Variants in LRP1B observed in about 807,000 individuals in gnomAD.
LRP1B encodes low-density lipoprotein receptor-related protein 1B.
A neutral mutation model predicts 556.6 loss-of-function variants in LRP1B; 217 were observed. The ratio of observed to expected loss-of-function variants is 0.39; its 90% CI spans 0.35 to 0.44. The LOEUF is 0.44. Ranked by LOEUF, LRP1B falls within the 20% of genes least tolerant of loss-of-function variation. The pLI, the probability that LRP1B is intolerant of heterozygous loss-of-function variation, is 1.00. For synonymous variants in LRP1B, 2,047 were observed against 1,865.8 expected, an observed-to-expected ratio of 1.10 and a Z score of -2.50; for missense variants, 5,053 against 5,620.8, an observed-to-expected ratio of 0.90 and a Z score of 3.23.
At chr2:142,029,358 G>T (rs915755333) in intron 1 of LRP1B, among the ~76,000 whole-genome samples, 4 of 151,876 alleles carry the variant, frequency 2.6e-5, no homozygotes, top group African/African-American at 9.7e-5. Flanking sequence ...TTTACTGAAA[G>T]TTGGCCAAGC....
At chr2:141,015,594 A>G in intron 13 of LRP1B, 102 bp downstream of exon 13, 1 of 952,648 alleles carries the variant, frequency 1.0e-6, no homozygotes. Context: ...CAGCCACCTC[A>G]GAGGAGTAAA....
intron 7 of LRP1B, among the ~76,000 whole-genome samples, chr2:141,069,122 A>C (rs1053240618): frequency 2.6e-5 from 4 of 152,010 alleles, no homozygotes; most frequent in African/African-American, 7.2e-5. Context: ...TTCCCTAATC[A>C]AGCCTGCTGA....
At chr2:141,753,730 T>C (rs1694218489) in intron 2 of LRP1B, among the ~76,000 whole-genome samples, 1 of 152,158 alleles carries the variant, frequency 6.6e-6, no homozygotes, top group African/African-American at 2.4e-5. Context: ...CAGCACTGCA[T>C]AGGATACTTT....
At chr2:140,556,967 G>A (rs1680756639) in intron 43 of LRP1B, among the ~76,000 whole-genome samples, 2 of 151,862 alleles carry the variant, frequency 1.3e-5, no homozygotes, top group African/African-American at 4.8e-5. Context: ...GTCATCCTAA[G>A]ATATTTCTTA....
chr2:140,444,314 T>C lies in LRP1B; in HGVS notation c.10294+16A>G. 1 of 1,613,668 alleles carries C rather than the reference T, an allele frequency of 6.2e-7. No homozygotes were observed. Among genetic ancestry groups the C allele is most frequent in the Non-Finnish European group, 8.5e-7 (1 of 1,179,728 alleles). ...GTCAAAGTTAAGACAAGACAGAGTATTTTGAGGTGACTTACGACAGTCTCT... is the reference window on the plus strand; with the variant it reads ...GTCAAAGTTAAGACAAGACAGAGTACTTTGAGGTGACTTACGACAGTCTCT... On this transcript the variant is annotated intron_variant, in intron 65 of 90. Transcript: ENST00000389484.
chr2:140,358,896 T>C lies in LRP1B; in HGVS notation c.11182A>G (p.Ile3728Val), dbSNP rs781610616. 4 of 1,608,860 alleles carry C rather than the reference T, an allele frequency of 2.5e-6. No individual in the cohort carries two copies. Among genetic ancestry groups the C allele is most frequent in the Non-Finnish European group, 3.4e-6 (4 of 1,176,256 alleles). Residue 3728 changes from isoleucine (I) to valine (V), a missense_variant, in exon 73 of 91, where the codon ATA becomes GTA. Transcript: ENST00000389484. ...TRPHRCRNNR[I>V]CLQSEQMCNG... ...CACATTTGCTCCGACTGTAGGCATA[T>C]TCTGTTATTTCTGCATCTGTGAGGT... is the stretch of plus-strand genomic sequence containing the variant.
At chr2:141,740,747 G>T (rs949555805) in intron 2 of LRP1B, among the ~76,000 whole-genome samples, 1 of 152,176 alleles carries the variant, frequency 6.6e-6, no homozygotes, top group Non-Finnish European at 1.5e-5. Context: ...CATTGGAGAC[G>T]TTCTGTTAAC....
chr2:141,653,761 T>C (rs1400747838), intron 2 of LRP1B, among the ~76,000 whole-genome samples: 1 of 152,202 alleles, frequency 6.6e-6, no homozygotes, highest in Non-Finnish European at 1.5e-5. Context: ...GATGGAGGCT[T>C]AGATCAATCA....
In LRP1B at chr2:141,503,152, T is replaced by C. The variant is rs1356475710; in HGVS notation, c.206-22619A>G. ...GACTATATAAAAAATAATATATAAT[T>C]ATATATGAGTAATACATGAATAATA... On this transcript the variant is annotated intron_variant, in intron 2 of 90. Coordinates refer to ENST00000389484, the MANE Select transcript of LRP1B (RefSeq NM_018557.3). 3.4e-5 allele frequency among the ~76,000 whole-genome samples: 5 copies of C among 148,182 alleles called. No homozygotes were observed. The East Asian group carries it at 9.7e-4, about 29-fold the overall frequency.
intron 1 of LRP1B, among the ~76,000 whole-genome samples, chr2:142,024,093 C>T (rs1201948097): frequency 6.6e-6 from 1 of 152,162 alleles, no homozygotes; most frequent in Non-Finnish European, 1.5e-5. Flanking sequence ...ATGTTTGTAG[C>T]CTCCTATTGC....
At chr2:141,901,566 C>T (rs570117907) in intron 1 of LRP1B, among the ~76,000 whole-genome samples, 26 of 151,938 alleles carry the variant, frequency 1.7e-4, no homozygotes, top group African/African-American at 5.5e-4. Flanking sequence ...TTTCTTTATA[C>T]ATAATACATT....
In LRP1B at chr2:142,115,220, G is replaced by A. The variant is rs192103853; in HGVS notation, c.82+15428C>T. Among the ~76,000 whole-genome samples the A allele has an allele frequency of 3.2e-3, 488 of 151,140 alleles. 1 individual carries two copies. The highest frequency in any genetic ancestry group is 0.017 in the Middle Eastern group (5 of 294). On this transcript the variant is annotated intron_variant, in intron 1 of 90. Transcript: ENST00000389484. ...ACATCCTATGAAATGCTTTAGAGAA[G>A]TGATTGATTCCAGGCTGCAAACAGA... is the stretch of plus-strand genomic sequence containing the variant.
rs142670331 is a variant in LRP1B, at chr2:142,075,600, G to A, written c.82+55048C>T. Among the ~76,000 whole-genome samples the A allele has an allele frequency of 9.9e-5, 15 of 152,148 alleles. No individual in the cohort carries two copies. The East Asian group carries it at 1.6e-3, about 16-fold the overall frequency. ...GTTCCATCATAACTTCAGGAAGGGC[G>A]TTTATCAGTTTAAATGAGAGTCTCC... On this transcript the variant is annotated intron_variant, in intron 1 of 90. Transcript: ENST00000389484.
chr2:140,393,756 T>C (rs2105214953), intron 66 of LRP1B, among the ~76,000 whole-genome samples: 1 of 152,298 alleles, frequency 6.6e-6, no homozygotes, highest in Admixed American at 6.5e-5. Context: ...CCTTTTTCCT[T>C]TGATTTCCAG....
intron 1 of LRP1B, among the ~76,000 whole-genome samples, chr2:142,058,163 T>C (rs1052208007): frequency 1.3e-5 from 2 of 152,156 alleles, no homozygotes; most frequent in Admixed American, 6.6e-5. Flanking sequence ...GTTGAAAATA[T>C]TTGGAACTAC....
intron 2 of LRP1B, among the ~76,000 whole-genome samples, chr2:141,539,091 A>C (rs897381783): frequency 6.6e-6 from 1 of 152,172 alleles, no homozygotes; most frequent in Non-Finnish European, 1.5e-5. Flanking sequence ...AATTTCATCA[A>C]ATCAGCTGAC....
At chr2:142,065,969 A>G (rs940603267) in intron 1 of LRP1B, among the ~76,000 whole-genome samples, 1 of 151,410 alleles carries the variant, frequency 6.6e-6, no homozygotes, top group Admixed American at 6.6e-5. Flanking sequence ...CCCTCAAAAA[A>G]CAATTTGCTC....
At chr2:141,610,465 C>T (rs1283948017) in intron 2 of LRP1B, among the ~76,000 whole-genome samples, 1 of 152,150 alleles carries the variant, frequency 6.6e-6, no homozygotes, top group Admixed American at 6.5e-5. Context: ...GCTCTCTCCA[C>T]CTACAGCCCC....
rs1483161936 is a variant in LRP1B, at chr2:141,373,854, T to A, written c.343+106542A>T. 2.0e-5 allele frequency among the ~76,000 whole-genome samples: 3 copies of A among 152,158 alleles called. No homozygotes were observed. In the East Asian group the frequency reaches 5.8e-4, roughly 29 times the overall value. On this transcript the variant is annotated intron_variant, in intron 3 of 90. Coordinates refer to ENST00000389484, the MANE Select transcript of LRP1B (RefSeq NM_018557.3). Reference sequence around the variant, plus strand: ...TTTCTTTGTTTCCTTCCTTTTCTCTTTGTTTTATTTTGGTATTTATGATTT... The same window carrying A: ...TTTCTTTGTTTCCTTCCTTTTCTCTATGTTTTATTTTGGTATTTATGATTT...
Sources: allele counts gnomAD v4.1 joint callset (sites outside exome capture counted in the v4.1 genomes callset), GRCh38; gene constraint gnomAD v4.1.1; transcripts MANE v1.5; gene names NCBI Gene and HGNC (gene_info 2026-07-23, HGNC 2026-07-21).